PTPRJ: variants seen among roughly 807,000 people sequenced by gnomAD.
The protein encoded by PTPRJ is protein tyrosine phosphatase receptor type J.
A neutral mutation model predicts 141.3 loss-of-function variants in PTPRJ; 129 were observed. The ratio of observed to expected loss-of-function variants is 0.91; its 90% CI spans 0.79 to 1.06. The LOEUF (loss-of-function observed/expected upper bound fraction) is 1.06, where lower values mean the gene tolerates loss of function less well. Ranked by LOEUF, PTPRJ falls within the 50% of genes least tolerant of loss-of-function variation. The pLI, the probability that PTPRJ is intolerant of heterozygous loss-of-function variation, is 0.00. For missense variants in PTPRJ, 1,601 were observed against 1,679.7 expected, an observed-to-expected ratio of 0.95 and a Z score of 0.82; for synonymous variants, 610 against 640.5, an observed-to-expected ratio of 0.95 and a Z score of 0.72.
In PTPRJ at chr11:48,062,465, A is replaced by C. The variant is rs899562499; in HGVS notation, c.97-47593A>C. On this transcript the variant is annotated intron_variant, in intron 1 of 24. Transcript: ENST00000418331. Reference sequence around the variant, plus strand: ...GAGGCGGAGCTTGCAGTGAGCTGAGATCATGCCACTGCACTCCAGCCTGGG... The same window carrying C: ...GAGGCGGAGCTTGCAGTGAGCTGAGCTCATGCCACTGCACTCCAGCCTGGG... Among the ~76,000 whole-genome samples the C allele has an allele frequency of 7.2e-5, 11 of 151,934 alleles. 1 individual carries two copies. The highest frequency in any genetic ancestry group is 7.2e-4 in the Admixed American group (11 of 15,270).
intron 1 of PTPRJ, among the ~76,000 whole-genome samples, chr11:48,004,823 G>A (rs922359457): frequency 6.6e-6 from 1 of 152,120 alleles, no homozygotes; most frequent in Non-Finnish European, 1.5e-5. Flanking sequence ...TTTTCATGTT[G>A]TAAATATTAA....
At chr11:47,981,137 C>T (rs1002361032) in intron 1 of PTPRJ, 129 bp downstream of exon 1, 1 of 984,416 alleles carries the variant, frequency 1.0e-6, no homozygotes. Flanking sequence ...CCCGGATCCC[C>T]GGAAGGCGAC....
At chr11:48,038,769 C>T (rs1338344362) in intron 1 of PTPRJ, among the ~76,000 whole-genome samples, 1 of 148,854 alleles carries the variant, frequency 6.7e-6, no homozygotes, top group African/African-American at 2.5e-5. Flanking sequence ...GGATTACAGA[C>T]ATAAGCCATG....
At chr11:48,094,434 G>T (rs374492607) in intron 1 of PTPRJ, among the ~76,000 whole-genome samples, 1 of 152,172 alleles carries the variant, frequency 6.6e-6, no homozygotes, top group Non-Finnish European at 1.5e-5. Flanking sequence ...TTTGACAGGG[G>T]TTGATGTCCG....
chr11:48,105,533 C>G (rs1856266760), intron 1 of PTPRJ, among the ~76,000 whole-genome samples: 1 of 152,302 alleles, frequency 6.6e-6, no homozygotes, highest in South Asian at 2.1e-4. Context: ...GTTCGAGTCT[C>G]AGGACAACTC....
At chr11:48,043,553 C>T (rs1055167240) in intron 1 of PTPRJ, among the ~76,000 whole-genome samples, 1 of 152,160 alleles carries the variant, frequency 6.6e-6, no homozygotes, top group Non-Finnish European at 1.5e-5. Flanking sequence ...GCTCAGTTAA[C>T]CAGAACAAGT....
At chr11:48,110,366 C>A (rs1856408187) in intron 2 of PTPRJ, among the ~76,000 whole-genome samples, 1 of 152,074 alleles carries the variant, frequency 6.6e-6, no homozygotes, top group Non-Finnish European at 1.5e-5. Flanking sequence ...GCCACCATGT[C>A]CGGCTAATTT....
intron 9 of PTPRJ, 145 bp from the exon 10 acceptor site, chr11:48,136,858 G>A (rs1354737239): frequency 6.9e-5 from 54 of 788,018 alleles, no homozygotes; most frequent in Non-Finnish European, 8.8e-5. Context: ...GTGTTTTTGG[G>A]AAGTTTTCCA....
rs1195225824 is a variant in PTPRJ at position 47,998,755 on chromosome 11, C to T, written c.96+17747C>T. 2.6e-5 allele frequency among the ~76,000 whole-genome samples: 4 copies of T among 152,310 alleles called. No homozygotes were observed. In the East Asian group the frequency reaches 7.7e-4, roughly 29 times the overall value. On this transcript the variant is annotated intron_variant, in intron 1 of 24. Transcript: ENST00000418331. ...CAACTACCAGTGATCATAAAGGATG[C>T]CTGCTTTGATGAGCTTTTCCAGGAA... is the stretch of plus-strand genomic sequence containing the variant.
intron 1 of PTPRJ, among the ~76,000 whole-genome samples, chr11:48,049,863 AG>A (rs1854517142): frequency 2.0e-5 from 3 of 152,204 alleles, no homozygotes; most frequent in Non-Finnish European, 4.4e-5. Flanking sequence ...ATTACACTGC[AG>A]GCCTTTTGTA....
chr11:48,131,392 A>G (rs535237957), intron 8 of PTPRJ: 5 of 667,002 alleles, frequency 7.5e-6, no homozygotes, highest in Admixed American at 4.5e-5. Flanking sequence ...CCACAAATAT[A>G]TATTTATTTC....
intron 11 of PTPRJ, 112 bp downstream of exon 11, chr11:48,139,888 C>T (rs1023391641): frequency 5.3e-6 from 6 of 1,137,490 alleles, no homozygotes; most frequent in African/African-American, 3.1e-5. Flanking sequence ...TTTTTTATTT[C>T]CCCTAAAATA....
At chr11:48,165,419 G>A (rs1176109813) in intron 24 of PTPRJ, among the ~76,000 whole-genome samples, 1 of 152,226 alleles carries the variant, frequency 6.6e-6, no homozygotes, top group Non-Finnish European at 1.5e-5. Flanking sequence ...TACCCAAACT[G>A]TTACTGAGAA....
chr11:48,161,551 C>G (rs1857779007), intron 22 of PTPRJ, among the ~76,000 whole-genome samples: 1 of 152,174 alleles, frequency 6.6e-6, no homozygotes, highest in Non-Finnish European at 1.5e-5. Context: ...ATGATCTGGC[C>G]ACCTAAATAA....
intron 1 of PTPRJ, among the ~76,000 whole-genome samples, chr11:48,014,959 G>C (rs1854913075): frequency 6.6e-6 from 1 of 152,118 alleles, no homozygotes; most frequent in Admixed American, 6.6e-5. Context: ...GCCTGCCTTG[G>C]CCTCCCAAAG....
intron 18 of PTPRJ, among the ~76,000 whole-genome samples, chr11:48,151,714 T>TG (rs751502289): frequency 6.6e-6 from 1 of 151,812 alleles, no homozygotes; most frequent in South Asian, 2.1e-4. Flanking sequence ...TTTCTGTCCT[T>TG]GCGATCGTTT....
Position 48,113,390 on chromosome 11 carries a change from A to G in PTPRJ, c.352+407A>G, listed in dbSNP as rs566678704. ...AGTTTTAATACCTGCCTGGCATTCTATTTTCTAAATCAGGGTTGGCAGATA... is the reference window on the plus strand; with the variant it reads ...AGTTTTAATACCTGCCTGGCATTCTGTTTTCTAAATCAGGGTTGGCAGATA... On this transcript the variant is annotated intron_variant, in intron 3 of 24. Transcript: ENST00000418331. Among the ~76,000 whole-genome samples, 3 of 152,292 alleles carry G rather than the reference A, an allele frequency of 2.0e-5. No individual in the cohort carries two copies. The East Asian group carries it at 5.8e-4, about 29-fold the overall frequency.
intron 1 of PTPRJ, among the ~76,000 whole-genome samples, chr11:48,036,754 G>A (rs558851617): frequency 6.6e-6 from 1 of 152,102 alleles, no homozygotes; most frequent in Non-Finnish European, 1.5e-5. Flanking sequence ...CAAATCCAGC[G>A]CTCTTTATAC....
At chr11:48,051,677 C>G (rs960317301) in intron 1 of PTPRJ, among the ~76,000 whole-genome samples, 1 of 152,156 alleles carries the variant, frequency 6.6e-6, no homozygotes, top group Non-Finnish European at 1.5e-5. Context: ...TCACATCAGC[C>G]CTGTGGGCTT....
Sources: allele counts gnomAD v4.1 joint callset (sites outside exome capture counted in the v4.1 genomes callset), GRCh38; gene constraint gnomAD v4.1.1; transcripts MANE v1.5; gene names NCBI Gene and HGNC (gene_info 2026-07-23, HGNC 2026-07-21).